PCDHGA1: variants seen among roughly 807,000 people sequenced by gnomAD.
PCDHGA1 encodes the protein protocadherin gamma-A1.
In PCDHGA1, 32 loss-of-function variants were observed where a neutral mutation model predicts 58.0. That is an observed-to-expected ratio of 0.55 (90% CI 0.42 to 0.74). The LOEUF is 0.74. PCDHGA1 is among the 30% of genes least tolerant of loss of function. The pLI is 0.00. For synonymous variants in PCDHGA1, 498 were observed against 501.1 expected, an observed-to-expected ratio of 0.99 and a Z score of 0.08; for missense variants, 1,205 against 1,182.3, an observed-to-expected ratio of 1.02 and a Z score of -0.28.
chr5:141,422,750 T>C (rs778578440), intron 1 of PCDHGA1: 4 of 1,611,900 alleles, frequency 2.5e-6, no homozygotes, highest in Non-Finnish European at 3.4e-6. Flanking sequence ...TATGTCTCTA[T>C]TAACTCCAAC....
rs374663576 is a variant in PCDHGA1 at position 141,489,905 on chromosome 5, G to A, written c.2422-4902G>A. The A allele has an allele frequency of 2.8e-4, 459 of 1,614,108 alleles. No homozygotes were observed. Among genetic ancestry groups the A allele is most frequent in the Non-Finnish European group, 3.4e-4 (405 of 1,180,054 alleles). On this transcript the variant is annotated intron_variant, in intron 1 of 3. Coordinates refer to ENST00000517417, the MANE Select transcript of PCDHGA1 (RefSeq NM_018912.3). The surrounding 1 kb of genome is among the most constrained non-coding windows in gnomAD (Gnocchi z 4.5). ...GCTGTGGATGGGGGGACCCCAGCCC[G>A]CTCAGGGACCACCCTTATCTCTGTC...
chr5:141,396,765 T>A (rs1446594255), intron 1 of PCDHGA1: 1 of 152,246 alleles, frequency 6.6e-6, no homozygotes, highest in Non-Finnish European at 1.5e-5. Flanking sequence ...CAATAAATGT[T>A]TGTTATTAAT....
intron 1 of PCDHGA1, chr5:141,417,729 G>T (rs1175282861): frequency 1.6e-5 from 22 of 1,376,276 alleles, no homozygotes; most frequent in African/African-American, 8.8e-5. Context: ...CGCAGACCTT[G>T]CCCAGCACAC....
chr5:141,345,184 T>A, intron 1 of PCDHGA1: 5 of 1,613,830 alleles, frequency 3.1e-6, no homozygotes, highest in Non-Finnish European at 4.2e-6. Flanking sequence ...CAGGTTGAAG[T>A]TTTTGTCCTG....
At chr5:141,458,172 T>C (rs1023447659) in intron 1 of PCDHGA1, among the ~76,000 whole-genome samples, 2 of 152,216 alleles carry the variant, frequency 1.3e-5, no homozygotes, top group African/African-American at 4.8e-5. Flanking sequence ...CACAGTAGTA[T>C]ACCTTACTTG....
intron 1 of PCDHGA1, chr5:141,408,969 C>T (rs1005367761): frequency 3.7e-6 from 6 of 1,613,594 alleles, no homozygotes; most frequent in Non-Finnish European, 5.1e-6. Context: ...GAAAATCTGC[C>T]CCCTGGGTCC....
intron 1 of PCDHGA1, among the ~76,000 whole-genome samples, chr5:141,482,794 G>A (rs374042779): frequency 6.2e-5 from 8 of 129,246 alleles, no homozygotes; most frequent in Non-Finnish European, 8.1e-5. Flanking sequence ...GTGTGTGGCC[G>A]GGTACGGTGG....
chr5:141,367,409 C>G (rs923534694), intron 1 of PCDHGA1: 1 of 152,094 alleles, frequency 6.6e-6, no homozygotes, highest in Non-Finnish European at 1.5e-5. Flanking sequence ...TGGTGGCAGG[C>G]GCCTGTAGTC....
Position 141,432,483 on chromosome 5 carries a change from T to C in PCDHGA1, c.2422-62324T>C, listed in dbSNP as rs776090923. The C allele has an allele frequency of 6.2e-7, 1 of 1,614,136 alleles. No homozygotes were observed. The highest frequency in any genetic ancestry group is 1.1e-5 in the South Asian group (1 of 91,078). ...CTCCCCACGGACGGTTCCACTGGCG[T>C]GGAGCTGGCTCCCCGCTCCGCAGAG... On this transcript the variant is annotated intron_variant, in intron 1 of 3. Coordinates refer to ENST00000517417, the MANE Select transcript of PCDHGA1 (RefSeq NM_018912.3). The surrounding 1 kb of genome is among the most constrained non-coding windows in gnomAD (Gnocchi z 6.0).
intron 1 of PCDHGA1, chr5:141,430,693 C>A: frequency 1.4e-6 from 2 of 1,425,428 alleles, no homozygotes; most frequent in Admixed American, 2.6e-5. Context: ...ATTCTATGGG[C>A]GAAGGAACTG....
chr5:141,410,726 A>G, intron 1 of PCDHGA1: 4 of 1,376,038 alleles, frequency 2.9e-6, no homozygotes, highest in Non-Finnish European at 3.9e-6. Context: ...TTTAAAATCC[A>G]TAGCTTTTTA....
chr5:141,353,958 T>G (rs1759426111), intron 1 of PCDHGA1, among the ~76,000 whole-genome samples: 2 of 152,250 alleles, frequency 1.3e-5, no homozygotes, highest in African/African-American at 4.8e-5. Flanking sequence ...AGGAATAAGC[T>G]TAAGAACTGA....
intron 1 of PCDHGA1, among the ~76,000 whole-genome samples, chr5:141,436,538 A>G (rs1353206648): frequency 6.6e-6 from 1 of 152,194 alleles, no homozygotes; most frequent in Admixed American, 6.5e-5. Context: ...CAAGTTATTT[A>G]ATCTCTTTGA....
chr5:141,446,633 C>T (rs2098509543), intron 1 of PCDHGA1, among the ~76,000 whole-genome samples: 4 of 152,208 alleles, frequency 2.6e-5, no homozygotes, highest in East Asian at 1.9e-4. Flanking sequence ...TGCACCACCA[C>T]GCCTGGCTAA....
At chr5:141,353,236 C>T (rs937859074) in intron 1 of PCDHGA1, among the ~76,000 whole-genome samples, 4 of 152,144 alleles carry the variant, frequency 2.6e-5, no homozygotes, top group African/African-American at 9.7e-5. Flanking sequence ...TTAGTAATAG[C>T]AGTGCCTTTT....
At chr5:141,433,237 A>G in intron 1 of PCDHGA1, 1 of 1,495,940 alleles carries the variant, frequency 6.7e-7, no homozygotes, top group South Asian at 1.3e-5. Flanking sequence ...TCTGTCTCCC[A>G]AGCTGGAATG....
chr5:141,501,701 G>A (rs747266621), intron 2 of PCDHGA1, among the ~76,000 whole-genome samples: 3 of 151,984 alleles, frequency 2.0e-5, no homozygotes, highest in East Asian at 1.9e-4. Flanking sequence ...GGGTGATTCC[G>A]AGGATAAAAA....
intron 1 of PCDHGA1, chr5:141,409,602 C>T (rs940700383): frequency 6.2e-7 from 1 of 1,613,932 alleles, no homozygotes; most frequent in South Asian, 1.1e-5. Flanking sequence ...AACAACCCGC[C>T]AGGAGCCTCC....
chr5:141,490,896 G>C lies in PCDHGA1; in HGVS notation c.2422-3911G>C. The stretch of plus-strand genomic sequence containing the variant: ...TGCATGCCAACACATCTCTGCATGT[G>C]TTTGTCCTAGACGAGAATGATAATG... On this transcript the variant is annotated intron_variant, in intron 1 of 3. Coordinates refer to ENST00000517417, the MANE Select transcript of PCDHGA1 (RefSeq NM_018912.3). This position sits in a 1 kb window ranked among gnomAD's most constrained non-coding sequence, Gnocchi z 5.4. 2.5e-6 allele frequency: 4 copies of C among 1,613,938 alleles called. No homozygotes were observed. The highest frequency in any genetic ancestry group is 3.4e-6 in the Non-Finnish European group (4 of 1,179,922).
Sources: allele counts gnomAD v4.1 joint callset (sites outside exome capture counted in the v4.1 genomes callset), GRCh38; gene constraint gnomAD v4.1.1; non-coding constraint Gnocchi (gnomAD v3.1); transcripts MANE v1.5; gene names NCBI Gene and HGNC (gene_info 2026-07-23, HGNC 2026-07-21).